Variants in ARMC9 observed in about 807,000 individuals in gnomAD.
The protein encoded by ARMC9 is armadillo repeat containing 9, also known as lisH domain-containing protein ARMC9.
In ARMC9, 94 loss-of-function variants were observed where a neutral mutation model predicts 107.0. That is an observed-to-expected ratio of 0.88 (90% CI 0.74 to 1.04). ARMC9 has a LOEUF of 1.04. ARMC9 is among the 50% of genes least tolerant of loss of function. ARMC9 has a pLI of 0.00. For synonymous variants in ARMC9, 380 were observed against 396.9 expected (o/e 0.96, Z 0.51); for missense variants, 942 against 1,030.1 (o/e 0.91, Z 1.17).
intron 20 of ARMC9, among the ~76,000 whole-genome samples, chr2:231,334,378 C>A (rs915912484): frequency 1.1e-4 from 16 of 152,234 alleles, no homozygotes; most frequent in Admixed American, 3.3e-4. Flanking sequence ...CTGGTGGCCC[C>A]AGGCCATGCT....
intron 19 of ARMC9, among the ~76,000 whole-genome samples, chr2:231,308,104 G>T (rs2042132327): frequency 6.6e-6 from 1 of 152,212 alleles, no homozygotes; most frequent in Non-Finnish European, 1.5e-5. Context: ...CCCAAGAGAC[G>T]TGAGCAGAGC....
Position 231,337,270 on chromosome 2 carries a change from G to GTGTATATATATATATATATA in ARMC9, c.1878+5374_1878+5375insGTATATATATATATATATAT, listed in dbSNP as rs1417267339. On this transcript the variant is annotated intron_variant, in intron 20 of 24. Coordinates refer to ENST00000611582, the MANE Select transcript of ARMC9 (RefSeq NM_001352754.2). ...TGACTCAATGTCTATACGTGTGTGT[G>GTGTATATATATATATATATA]TATATATATATATATATATATTTTT... Among the ~76,000 whole-genome samples the GTGTATATATATATATATATA allele has an allele frequency of 1.0e-4, 8 of 76,394 alleles. 1 individual carries two copies. Among genetic ancestry groups the GTGTATATATATATATATATA allele is most frequent in the African/African-American group, 4.6e-4 (8 of 17,314 alleles). 50.1% of individuals were successfully genotyped at this position (76,394 alleles called of 152,430 possible). A position where few individuals can be genotyped will look rare whatever the true frequency, so the allele number is the denominator to read the frequency against.
In ARMC9 at chr2:231,376,210, C is replaced by T. The variant is rs2046192128; in HGVS notation, c.*4675C>T. 1.3e-5 allele frequency among the ~76,000 whole-genome samples: 2 copies of T among 152,130 alleles called. No homozygotes were observed. Among genetic ancestry groups the T allele is most frequent in the African/African-American group, 2.4e-5 (1 of 41,408 alleles). On this transcript the variant is annotated 3_prime_UTR_variant, in exon 25 of 25. Transcript: ENST00000611582. ...GTGTTTGCGCAATATGAAATCTGAGCACCTTGAAAAAAGAACAGGGTAACA... is the reference window on the plus strand; with the variant it reads ...GTGTTTGCGCAATATGAAATCTGAGTACCTTGAAAAAAGAACAGGGTAACA...
At chr2:231,308,965 C>T (rs575496976) in intron 19 of ARMC9, among the ~76,000 whole-genome samples, 10 of 152,364 alleles carry the variant, frequency 6.6e-5, no homozygotes, top group African/African-American at 2.2e-4. Context: ...TTCTAATCCC[C>T]GTTACCTAAT....
intron 9 of ARMC9, among the ~76,000 whole-genome samples, chr2:231,240,939 T>G (rs1319271676): frequency 2.0e-5 from 3 of 152,180 alleles, no homozygotes; most frequent in African/African-American, 7.2e-5. Context: ...GGCTCACACC[T>G]GTAATATTCC....
intron 7 of ARMC9, among the ~76,000 whole-genome samples, chr2:231,233,712 G>T (rs148377938): frequency 0.071 from 10,761 of 151,868 alleles, 524 homozygotes; most frequent in Non-Finnish European, 0.11. Flanking sequence ...GGAGGCGGAG[G>T]TTGCAGTGAG....
intron 7 of ARMC9, among the ~76,000 whole-genome samples, chr2:231,231,286 G>A (rs1384557778): frequency 2.6e-5 from 4 of 152,128 alleles, no homozygotes; most frequent in Non-Finnish European, 4.4e-5. Flanking sequence ...CAATACTTAC[G>A]ACTGCAATAT....
rs933718634 is a variant in ARMC9, at chr2:231,255,027, C to T, written c.880-1559C>T. Reference sequence around the variant, plus strand: ...CCTTAGTATCTAATACCAGTCCACTCCATATTCAAGATTTTCCTTATTTTC... The same window carrying T: ...CCTTAGTATCTAATACCAGTCCACTTCATATTCAAGATTTTCCTTATTTTC... On this transcript the variant is annotated intron_variant, in intron 9 of 24. Coordinates refer to ENST00000611582, the MANE Select transcript of ARMC9 (RefSeq NM_001352754.2). The surrounding 1 kb of genome is among the most constrained non-coding windows in gnomAD (Gnocchi z 4.7). Among the ~76,000 whole-genome samples, 1 of 152,178 alleles carries T rather than the reference C, an allele frequency of 6.6e-6. No homozygotes were observed. Among genetic ancestry groups the T allele is most frequent in the African/African-American group, 2.4e-5 (1 of 41,448 alleles).
intron 4 of ARMC9, 106 bp from the exon 5 acceptor site, chr2:231,216,532 C>G (rs1416431221): frequency 1.5e-6 from 2 of 1,295,574 alleles, no homozygotes; most frequent in African/African-American, 3.0e-5. Flanking sequence ...ATAGGGGATG[C>G]CAGCGACACG....
chr2:231,243,013 G>A (rs1400351563), intron 9 of ARMC9, among the ~76,000 whole-genome samples: 3 of 152,136 alleles, frequency 2.0e-5, no homozygotes, highest in Admixed American at 6.5e-5. Flanking sequence ...TTGGGAGGCC[G>A]AGGCGGGCAG....
At position 231,374,696 on chromosome 2, in the gene ARMC9, C is replaced by A. The variant is rs924174433; in HGVS notation, c.*3161C>A. 1.3e-5 allele frequency: 2 copies of A among 151,994 alleles called. No individual in the cohort carries two copies. The highest frequency in any genetic ancestry group is 4.8e-5 in the African/African-American group (2 of 41,362). The allele number at this position is 151,994 out of a possible 1,614,324, so 9.4% of individuals were successfully genotyped here. On this transcript the variant is annotated 3_prime_UTR_variant, in exon 25 of 25. Transcript: ENST00000611582. Reference sequence around the variant, plus strand: ...AAGTCTGGCCCTGTACTTGGATGACCCCACCTGGCTTGTCTAACCCTAATC... The same window carrying A: ...AAGTCTGGCCCTGTACTTGGATGACACCACCTGGCTTGTCTAACCCTAATC...
intron 6 of ARMC9, among the ~76,000 whole-genome samples, chr2:231,225,008 T>C (rs2034505513): frequency 1.3e-5 from 2 of 152,376 alleles, no homozygotes; most frequent in Admixed American, 6.5e-5. Context: ...TGCCAAGTCC[T>C]ATAAGGAATA....
chr2:231,288,583 T>C (rs568497687), intron 17 of ARMC9: 8 of 469,564 alleles, frequency 1.7e-5, no homozygotes, highest in Non-Finnish European at 2.7e-5. Flanking sequence ...GAGTTCGAAG[T>C]TAGTTGTTCT....
At chr2:231,320,548 C>G (rs2042938792) in intron 19 of ARMC9, among the ~76,000 whole-genome samples, 1 of 145,472 alleles carries the variant, frequency 6.9e-6, no homozygotes, top group African/African-American at 2.7e-5. Flanking sequence ...CATCTGTGGC[C>G]CCTCATGGAC....
rs766572502 is a variant in ARMC9, at chr2:231,240,041, G to A, written c.879G>A (p.Thr293=). 21 of 1,611,972 alleles carry A rather than the reference G, an allele frequency of 1.3e-5. No homozygotes were observed. The highest frequency in any genetic ancestry group is 3.3e-5 in the Admixed American group (2 of 59,882). Residue 293 remains threonine (T), a splice_region_variant and synonymous_variant, in exon 9 of 25, where the codon ACG becomes ACA. Coordinates refer to ENST00000611582, the MANE Select transcript of ARMC9 (RefSeq NM_001352754.2). ...AHSVDFTRPG[T]ASTMLRASLA... ...GTGTGGACTTCACGAGGCCTGGGAC[G>A]GTGAGGCTCTGCGCTCAGGGCAGGG...
chr2:231,280,960 G>C (rs927659584), intron 16 of ARMC9, among the ~76,000 whole-genome samples: 1 of 152,164 alleles, frequency 6.6e-6, no homozygotes, highest in Non-Finnish European at 1.5e-5. Flanking sequence ...CATTGAAAGT[G>C]CTAATGAAGT....
At chr2:231,325,065 A>T (rs1050690369) in intron 19 of ARMC9, among the ~76,000 whole-genome samples, 1 of 151,980 alleles carries the variant, frequency 6.6e-6, no homozygotes, top group African/African-American at 2.4e-5. Flanking sequence ...CTCTACCAAA[A>T]ATACAAAAAT....
intron 23 of ARMC9, 150 bp from the exon 24 acceptor site, chr2:231,369,803 A>G: frequency 1.2e-6 from 1 of 847,844 alleles, no homozygotes; most frequent in Non-Finnish European, 1.6e-6. Flanking sequence ...CATGTTGGCC[A>G]GGCTGGTCTC....
chr2:231,244,060 G>A (rs1353755378), intron 9 of ARMC9, among the ~76,000 whole-genome samples: 1 of 152,186 alleles, frequency 6.6e-6, no homozygotes, highest in African/African-American at 2.4e-5. Flanking sequence ...CAGGTGCTCT[G>A]TTGAGCTTGA....
Sources: gnomAD v4.1 joint callset for allele counts (sites outside exome capture counted in the v4.1 genomes callset) on GRCh38, gnomAD v4.1.1 for gene constraint, Gnocchi (gnomAD v3.1) non-coding constraint, MANE v1.5 for transcripts, NCBI Gene and HGNC (gene_info 2026-07-23, HGNC 2026-07-21) for gene names.